PDLIM5: variants seen among roughly 807,000 people sequenced by gnomAD.
The protein encoded by PDLIM5 is PDZ and LIM domain protein 5.
Under a neutral mutation model 64.2 loss-of-function variants are expected in PDLIM5, and 34 were observed. The observed-to-expected ratio is 0.53, with a 90% CI of 0.40 to 0.71. The LOEUF is 0.71. Ranked by LOEUF, PDLIM5 falls within the 30% of genes least tolerant of loss-of-function variation. The probability of loss-of-function intolerance (pLI) is 0.00; values close to 1 mark genes in which losing one functional copy is unlikely to be tolerated. For missense variants in PDLIM5, 683 were observed against 733.6 expected (o/e 0.93, Z 0.80); for synonymous variants, 253 against 269.1 (o/e 0.94, Z 0.59).
intron 7 of PDLIM5, among the ~76,000 whole-genome samples, chr4:94,605,863 CT>C (rs76186683): frequency 0.014 from 1,960 of 141,794 alleles, 50 homozygotes; most frequent in African/African-American, 0.047. Flanking sequence ...ACTCCCTTTT[CT>C]TTTTTTTTTT....
chr4:94,594,830 C>G (rs1480748828), intron 7 of PDLIM5, among the ~76,000 whole-genome samples: 1 of 152,102 alleles, frequency 6.6e-6, no homozygotes, highest in Non-Finnish European at 1.5e-5. Flanking sequence ...TTTTCTTTAT[C>G]TCCCTTGCTT....
intron 3 of PDLIM5, among the ~76,000 whole-genome samples, chr4:94,534,858 A>G (rs1731182799): frequency 6.6e-6 from 1 of 152,138 alleles, no homozygotes; most frequent in South Asian, 2.1e-4. Flanking sequence ...TAACTACTTG[A>G]CTTCCCTGAC....
At chr4:94,627,106 A>T (rs574612462) in intron 8 of PDLIM5, among the ~76,000 whole-genome samples, 1 of 152,136 alleles carries the variant, frequency 6.6e-6, no homozygotes, top group African/African-American at 2.4e-5. Context: ...ATCTCTTCTA[A>T]TAATGTTTTA....
intron 2 of PDLIM5, among the ~76,000 whole-genome samples, chr4:94,480,526 G>A (rs1045400609): frequency 6.6e-6 from 1 of 152,172 alleles, no homozygotes; most frequent in East Asian, 1.9e-4. Flanking sequence ...TGTTCCCAGA[G>A]CCCAACTGTG....
chr4:94,610,044 C>A, intron 7 of PDLIM5: 2 of 611,528 alleles, frequency 3.3e-6, no homozygotes, highest in Non-Finnish European at 5.6e-6. Flanking sequence ...TCTTACACTT[C>A]ACACTTTTAT....
rs139142217 is a variant in PDLIM5, at chr4:94,474,416, A to G, written c.96+19032A>G. ...CAGGCATGCGCCACCACGCCTGACT[A>G]ATTTTTGTATTTTTAGTAGAGACGG... On this transcript the variant is annotated intron_variant, in intron 2 of 12. Transcript: ENST00000317968. 2.4e-4 allele frequency among the ~76,000 whole-genome samples: 36 copies of G among 151,844 alleles called. 1 individual carries two copies. The East Asian group carries it at 4.1e-3, about 17-fold the overall frequency.
intron 3 of PDLIM5, among the ~76,000 whole-genome samples, chr4:94,542,332 A>AAGT: frequency 6.7e-6 from 1 of 150,298 alleles, no homozygotes; most frequent in East Asian, 2.0e-4. Context: ...ATAAATAAAT[A>AAGT]AAGTAAGTAA....
chr4:94,667,059 T>A lies in PDLIM5; in HGVS notation c.*2992T>A, dbSNP rs948831301. 2.6e-5 allele frequency: 4 copies of A among 152,252 alleles called. No homozygotes were observed. Among genetic ancestry groups the A allele is most frequent in the African/African-American group, 9.6e-5 (4 of 41,468 alleles). 9.4% of individuals were successfully genotyped at this position (152,252 alleles called of 1,614,324 possible). A position where few individuals can be genotyped will look rare whatever the true frequency, so the allele number is the denominator to read the frequency against. On this transcript the variant is annotated 3_prime_UTR_variant, in exon 13 of 13. Coordinates refer to ENST00000317968, the MANE Select transcript of PDLIM5 (RefSeq NM_006457.5). ...AATTTTCTATATTAGTAGCATTTTT[T>A]AATTATTACTTCTTCACTATAGAGC...
In PDLIM5 at chr4:94,575,902, C is replaced by T; in HGVS notation, c.578C>T (p.Ala193Val). Reference protein sequence around the residue: ...ANLSADQSPSALSAGKTAVNV... With the variant: ...ANLSADQSPSVLSAGKTAVNV... ...CTTAGTGCTGACCAGTCTCCATCTG[C>T]ACTGAGCGCTGGTAAAACTGCAGTT... The change falls in exon 5 of 13, where the codon GCA (alanine) becomes GTA (valine). Residue 193 changes from alanine to valine, a missense_variant. Physicochemically the swap from Ala to Val is moderately conservative, Grantham distance 64. Coordinates refer to ENST00000317968, the MANE Select transcript of PDLIM5 (RefSeq NM_006457.5). The T allele has an allele frequency of 6.2e-7, 1 of 1,614,180 alleles. No individual in the cohort carries two copies. The highest frequency in any genetic ancestry group is 8.5e-7 in the Non-Finnish European group (1 of 1,180,028).
intron 2 of PDLIM5, among the ~76,000 whole-genome samples, chr4:94,482,911 A>G (rs569686320): frequency 9.2e-5 from 14 of 152,316 alleles, no homozygotes; most frequent in African/African-American, 3.4e-4. Context: ...AAATAAATAC[A>G]GAAAAAAATG....
At chr4:94,589,838 G>C (rs531843306) in intron 7 of PDLIM5, among the ~76,000 whole-genome samples, 1 of 151,254 alleles carries the variant, frequency 6.6e-6, no homozygotes, top group African/African-American at 2.4e-5. Context: ...GCGATGGTGC[G>C]GTATTGGCTT....
intron 2 of PDLIM5, among the ~76,000 whole-genome samples, chr4:94,482,602 AT>A (rs1560645698): frequency 1.3e-5 from 2 of 152,170 alleles, no homozygotes; most frequent in Non-Finnish European, 2.9e-5. Context: ...CATTGTCTAA[AT>A]TTAGTAGATG....
intron 5 of PDLIM5, among the ~76,000 whole-genome samples, chr4:94,585,282 G>A (rs532056671): frequency 6.6e-6 from 1 of 152,070 alleles, no homozygotes; most frequent in East Asian, 1.9e-4. Context: ...AGCAGAGACG[G>A]AGTTTCACTG....
chr4:94,617,069 C>A (rs2110393119), intron 7 of PDLIM5, among the ~76,000 whole-genome samples: 2 of 152,314 alleles, frequency 1.3e-5, no homozygotes, highest in East Asian at 3.9e-4. Context: ...CAGGCATGTG[C>A]CACTGCACCC....
intron 7 of PDLIM5, among the ~76,000 whole-genome samples, chr4:94,616,957 G>C (rs539821299): frequency 6.6e-6 from 1 of 152,310 alleles, no homozygotes; most frequent in East Asian, 1.9e-4. Flanking sequence ...AGCAAGATTA[G>C]CAAAGGAAAA....
chr4:94,648,698 TATC>T (rs972767251), intron 9 of PDLIM5, among the ~76,000 whole-genome samples: 2 of 152,242 alleles, frequency 1.3e-5, no homozygotes, highest in African/African-American at 4.8e-5. Context: ...GAGCTGAAGT[TATC>T]ATGTAGAGAT....
In PDLIM5 at chr4:94,623,568, C is replaced by T. The variant is rs548863307; in HGVS notation, c.1108+5377C>T. Among the ~76,000 whole-genome samples the T allele has an allele frequency of 4.6e-5, 7 of 152,140 alleles. No homozygotes were observed. The South Asian group carries it at 6.2e-4, about 14-fold the overall frequency. ...TAATTGTTTACATAGGTGTCTTTTA[C>T]GACTGTTTTTAGATTCCTTTGAGGA... On this transcript the variant is annotated intron_variant, in intron 8 of 12. Transcript: ENST00000317968.
intron 2 of PDLIM5, chr4:94,455,768 A>C: frequency 6.6e-7 from 1 of 1,518,960 alleles, no homozygotes; most frequent in Non-Finnish European, 8.8e-7. Context: ...GTTTGTTAAA[A>C]ACTGTTGATC....
At chr4:94,616,320 G>A (rs1251570091) in intron 7 of PDLIM5, among the ~76,000 whole-genome samples, 1 of 152,032 alleles carries the variant, frequency 6.6e-6, no homozygotes, top group Non-Finnish European at 1.5e-5. Context: ...TTTGAATATG[G>A]TAATTATGTA....
Sources: allele counts gnomAD v4.1 joint callset (sites outside exome capture counted in the v4.1 genomes callset), GRCh38; gene constraint gnomAD v4.1.1; transcripts MANE v1.5; gene names NCBI Gene and HGNC (gene_info 2026-07-23, HGNC 2026-07-21).